Variants in ABCC3 observed in about 807,000 individuals in gnomAD.
ABCC3 encodes ATP-binding cassette sub-family C member 3.
A neutral mutation model predicts 165.3 loss-of-function variants in ABCC3; 121 were observed. The observed-to-expected ratio is 0.73, with a 90% confidence interval of 0.63 to 0.85. The LOEUF (loss-of-function observed/expected upper bound fraction) is 0.85. Among genes scored for constraint, ABCC3 ranks in the 40% least tolerant of loss-of-function variants. The pLI, the probability that ABCC3 is intolerant of heterozygous loss-of-function variation, is 0.00. For synonymous variants in ABCC3, 733 were observed against 810.1 expected (o/e 0.90, Z 1.62); for missense variants, 1,869 against 1,964.1 (o/e 0.95, Z 0.92).
In ABCC3 at chr17:50,673,430, G is replaced by A. The variant is rs1186114354; in HGVS notation, c.2410-39G>A. On this transcript the variant is annotated intron_variant, in intron 18 of 30. Transcript: ENST00000285238. ...CCGTGCCTGTGCCAGGGGTGTGCTGGAGGGTGGTAGGGGTGAGAGCCTGCT... is the reference window on the plus strand; with the variant it reads ...CCGTGCCTGTGCCAGGGGTGTGCTGAAGGGTGGTAGGGGTGAGAGCCTGCT... 5.0e-6 allele frequency: 8 copies of A among 1,602,294 alleles called. No individual in the cohort carries two copies. The East Asian group carries it at 1.8e-4, about 36-fold the overall frequency.
At chr17:50,682,200 C>T (rs1489808399) in intron 26 of ABCC3, among the ~76,000 whole-genome samples, 1 of 151,992 alleles carries the variant, frequency 6.6e-6, no homozygotes, top group Non-Finnish European at 1.5e-5. Flanking sequence ...CCGTCAGTGC[C>T]TTGACATTCT....
chr17:50,664,974 G>A (rs1018602672), intron 10 of ABCC3, among the ~76,000 whole-genome samples, 179 bp from the exon 11 acceptor site: 3 of 152,248 alleles, frequency 2.0e-5, no homozygotes, highest in Admixed American at 2.0e-4. Context: ...CTAATGGCTG[G>A]CTGCTTCTAC....
intron 19 of ABCC3, among the ~76,000 whole-genome samples, chr17:50,673,953 T>C (rs1262218981): frequency 4.4e-4 from 8 of 18,196 alleles, no homozygotes; most frequent in Non-Finnish European, 6.2e-4. Context: ...TCTTTCTTTC[T>C]TTCTTTCTTT....
chr17:50,634,941 A>T lies in ABCC3; in HGVS notation c.5A>T (p.Asp2Val). The T allele has an allele frequency of 7.9e-7, 1 of 1,258,804 alleles. No homozygotes were observed. Among genetic ancestry groups the T allele is most frequent in the Non-Finnish European group, 1.0e-6 (1 of 999,840 alleles). 78.0% of individuals were successfully genotyped at this position (1,258,804 alleles called of 1,614,324 possible). The part of the protein sequence containing the change: M[D>V]ALCGSGELGS... ...TTGCAGCCGCGCCTCGGCCCCATGGACGCCCTGTGCGGTTCCGGGGAGCTC... is the reference window on the plus strand; with the variant it reads ...TTGCAGCCGCGCCTCGGCCCCATGGTCGCCCTGTGCGGTTCCGGGGAGCTC... The change falls in exon 1 of 31, where the codon GAC becomes GTC. Residue 2 changes from aspartate to valine, a missense_variant. By Grantham distance (152) the Asp-to-Val change is radical (BLOSUM62 -3). Transcript: ENST00000285238.
At chr17:50,658,038 A>G in intron 4 of ABCC3, 44 bp from the exon 5 acceptor site, 1 of 1,613,232 alleles carries the variant, frequency 6.2e-7, no homozygotes, top group South Asian at 1.1e-5. Context: ...CTGCAGGCCC[A>G]GGCTTTTCCA....
chr17:50,668,483 C>T lies in ABCC3; in HGVS notation c.1836C>T (p.Asp612=). ...AATTCCTGAGCCAAGAGGAACTTGACCCCCAGAGTGTGGAAAGAAAGACCA... is the reference window on the plus strand; with the variant it reads ...AATTCCTGAGCCAAGAGGAACTTGATCCCCAGAGTGTGGAAAGAAAGACCA... ...IQQFLSQEEL[D]PQSVERKTIS... The change falls in exon 14 of 31, where the codon GAC becomes GAT. Residue 612 remains aspartate, a synonymous_variant. Transcript: ENST00000285238. The T allele has an allele frequency of 6.2e-7, 1 of 1,613,984 alleles. No homozygotes were observed. Among genetic ancestry groups the T allele is most frequent in the Non-Finnish European group, 8.5e-7 (1 of 1,179,926 alleles).
chr17:50,663,309 C>T (rs958233628), intron 8 of ABCC3: 2 of 243,436 alleles, frequency 8.2e-6, no homozygotes, highest in Non-Finnish European at 1.6e-5. Flanking sequence ...GGTCATGTGG[C>T]GGAATCTAGA....
rs953580128 is a variant in ABCC3, at chr17:50,671,283, A to C, written c.2242-1688A>C. On this transcript the variant is annotated intron_variant, in intron 17 of 30. Coordinates refer to ENST00000285238, the MANE Select transcript of ABCC3 (RefSeq NM_003786.4). ...TTAAAAAAAAAAAAAAGAAAAAAAA[A>C]CTTAATCATTTCTTAGTGTACAGTT... 5.3e-5 allele frequency among the ~76,000 whole-genome samples: 8 copies of C among 151,800 alleles called. No individual in the cohort carries two copies. The East Asian group carries it at 9.7e-4, about 18-fold the overall frequency.
chr17:50,663,057 T>C (rs1967427574), intron 8 of ABCC3: 1 of 148,422 alleles, frequency 6.7e-6, no homozygotes, highest in African/African-American at 2.5e-5. Context: ...GACAAGCCAC[T>C]GGAGGGCAGT....
intron 29 of ABCC3, among the ~76,000 whole-genome samples, chr17:50,686,118 CT>C (rs1047460341): frequency 3.4e-4 from 51 of 152,228 alleles, no homozygotes; most frequent in Admixed American, 2.0e-3. Flanking sequence ...CGCTTGAACC[CT>C]GGAGGCGGAG....
chr17:50,673,940 C>T (rs1967713168), intron 19 of ABCC3, among the ~76,000 whole-genome samples: 1 of 15,852 alleles, frequency 6.3e-5, no homozygotes, highest in African/African-American at 2.9e-4. Flanking sequence ...TTCTTTCTTT[C>T]TTTCTTTCTT....
Position 50,663,684 on chromosome 17 carries a change from C to G in ABCC3, c.1002C>G (p.Ile334Met), listed in dbSNP as rs1967449501. Residue 334 changes from isoleucine (I) to methionine (M), a missense_variant, in exon 9 of 31, where the codon ATC becomes ATG. Transcript: ENST00000285238. ...CACTCCTCTCTCCTCCCCACAGCAT[C>G]CTGATCAGGTTTATCTCCAACCCCA... ...LSFINPQLLS[I>M]LIRFISNPMA... 4 of 1,614,016 alleles carry G rather than the reference C, an allele frequency of 2.5e-6. No homozygotes were observed. Among genetic ancestry groups the G allele is most frequent in the African/African-American group, 1.3e-5 (1 of 74,924 alleles).
intron 29 of ABCC3, among the ~76,000 whole-genome samples, chr17:50,687,107 C>G (rs1968035780): frequency 6.6e-6 from 1 of 152,134 alleles, no homozygotes; most frequent in African/African-American, 2.4e-5. Flanking sequence ...AGGTGACTGC[C>G]TGAATTGTGT....
chr17:50,656,920 G>GA (rs1320540762), intron 3 of ABCC3, 93 bp downstream of exon 3: 2 of 1,549,346 alleles, frequency 1.3e-6, no homozygotes, highest in Non-Finnish European at 1.7e-6. Flanking sequence ...GAGAGGGCTG[G>GA]ACATATTGGG....
chr17:50,637,203 C>T (rs1004923152), intron 1 of ABCC3, among the ~76,000 whole-genome samples: 3 of 152,146 alleles, frequency 2.0e-5, no homozygotes, highest in South Asian at 2.1e-4. Context: ...CTTTCACATT[C>T]TCTTCTGGCT....
chr17:50,691,200 A>T lies in ABCC3; in HGVS notation c.4584A>T (p.Ter1528TyrextTer19). 6.2e-7 allele frequency: 1 copy of T among 1,610,598 alleles called. No homozygotes were observed. Among genetic ancestry groups the T allele is most frequent in the Non-Finnish European group, 8.5e-7 (1 of 1,176,764 alleles). ...YGMARDAGLA[*>Y] ...TGGCCAGAGATGCTGGACTTGCCTA[A>T]AATATATTCCTGAGATTTCCTCCTG... Residue 1528 changes from the stop codon to tyrosine, a stop_lost, in exon 31 of 31, where the codon TAA becomes TAT. Coordinates refer to ENST00000285238, the MANE Select transcript of ABCC3 (RefSeq NM_003786.4).
At position 50,675,951 on chromosome 17, in the gene ABCC3, C is replaced by G. The variant is rs1967793704; in HGVS notation, c.2928C>G (p.Leu976=). The G allele has an allele frequency of 1.2e-6, 2 of 1,614,168 alleles. No homozygotes were observed. Among genetic ancestry groups the G allele is most frequent in the East Asian group, 4.5e-5 (2 of 44,878 alleles). Residue 976 remains leucine, a synonymous_variant, in exon 22 of 31, where the codon CTC becomes CTG. Coordinates refer to ENST00000285238, the MANE Select transcript of ABCC3 (RefSeq NM_003786.4). ...TCTGTACCACGCTGGCCATCTGTCT[C>G]CTGTATGTGGGTCAAAGTGCGGCTG... is the stretch of plus-strand genomic sequence containing the variant. The part of the protein sequence containing the change: ...VGLCTTLAIC[L]LYVGQSAAAI...
Position 50,658,176 on chromosome 17 carries a change from C to A in ABCC3, c.581C>A (p.Pro194His). The change falls in exon 5 of 31, where the codon CCT becomes CAT. Residue 194 changes from proline (P) to histidine (H), a missense_variant. Transcript: ENST00000285238. ...ATCTTGGCCTGCTTCAGGGAGAAAC[C>A]TCCATTTTTCTCCGCAAAGAATGTC... The part of the protein sequence containing the change: ...ALILACFREK[P>H]PFFSAKNVDP... 6.2e-7 allele frequency: 1 copy of A among 1,614,232 alleles called. No individual in the cohort carries two copies.
intron 25 of ABCC3, 188 bp from the exon 26 acceptor site, chr17:50,679,610 G>T: frequency 3.5e-6 from 2 of 566,948 alleles, no homozygotes; most frequent in South Asian, 2.2e-5. Context: ...CACTGTCACT[G>T]CCCAAGGGAG....
Sources: allele counts gnomAD v4.1 joint callset (sites outside exome capture counted in the v4.1 genomes callset), GRCh38; gene constraint gnomAD v4.1.1; transcripts MANE v1.5; gene names NCBI Gene and HGNC (gene_info 2026-07-23, HGNC 2026-07-21).